The following MB21D2 variants were observed in gnomAD, a reference collection of about 807,000 sequenced individuals.
The protein encoded by MB21D2 is Mab-21 domain containing 2.
A neutral mutation model predicts 33.3 loss-of-function variants in MB21D2; 9 were observed. The observed-to-expected ratio is 0.27, with a 90% confidence interval of 0.16 to 0.47. The LOEUF (loss-of-function observed/expected upper bound fraction) is 0.47, where lower values mean the gene tolerates loss of function less well. Ranked by LOEUF, MB21D2 falls within the 20% of genes least tolerant of loss-of-function variation. MB21D2 has a pLI of 0.99. For synonymous variants in MB21D2, 241 were observed against 236.3 expected (o/e 1.02, Z -0.18); for missense variants, 540 against 624.6 (o/e 0.86, Z 1.44).
At chr3:192,869,180 C>T (rs921595141) in intron 1 of MB21D2, among the ~76,000 whole-genome samples, 1 of 151,082 alleles carries the variant, frequency 6.6e-6, no homozygotes, top group East Asian at 2.0e-4. Flanking sequence ...TGCTTGAGCC[C>T]GGGAGGCAGA....
At position 192,799,703 on chromosome 3, in the gene MB21D2, A is replaced by T. The variant is rs182765414; in HGVS notation, c.212-53T>A. ...CTATTACAGGAAACACAGACATAAGAGTCTTATGCATGAAACAGAATGCTC... is the reference window on the plus strand; with the variant it reads ...CTATTACAGGAAACACAGACATAAGTGTCTTATGCATGAAACAGAATGCTC... On this transcript the variant is annotated intron_variant, in intron 1 of 1. Transcript: ENST00000392452. This position sits in a 1 kb window ranked among gnomAD's most constrained non-coding sequence, Gnocchi z 4.1. The T allele has an allele frequency of 8.0e-5, 122 of 1,530,970 alleles. No individual in the cohort carries two copies. The Admixed American group carries it at 1.8e-3, about 23-fold the overall frequency. The allele number at this position is 1,530,970 out of a possible 1,614,324, so 94.8% of individuals were successfully genotyped here. A position where few individuals can be genotyped will look rare whatever the true frequency, so the allele number is the denominator to read the frequency against.
intron 1 of MB21D2, among the ~76,000 whole-genome samples, chr3:192,884,533 A>AT (rs1560249864): frequency 9.6e-6 from 1 of 104,050 alleles, no homozygotes; most frequent in Non-Finnish European, 2.1e-5. Flanking sequence ...CGCCCGGCTA[A>AT]TTTTTTGTAT....
intron 1 of MB21D2, among the ~76,000 whole-genome samples, chr3:192,904,261 C>T (rs1218876597): frequency 6.6e-6 from 1 of 152,132 alleles, no homozygotes; most frequent in Non-Finnish European, 1.5e-5. Flanking sequence ...CGATTCTGCC[C>T]CAAACTAGCT....
intron 1 of MB21D2, among the ~76,000 whole-genome samples, chr3:192,812,150 C>A (rs1711801750): frequency 6.6e-6 from 1 of 152,034 alleles, no homozygotes; most frequent in African/African-American, 2.4e-5. Flanking sequence ...CAGGTTCAAG[C>A]AATTCTCCTG....
intron 1 of MB21D2, among the ~76,000 whole-genome samples, chr3:192,854,125 A>G (rs1050415531): frequency 1.3e-5 from 2 of 152,210 alleles, no homozygotes; most frequent in Non-Finnish European, 2.9e-5. Context: ...GAAAGACAGA[A>G]ATGGTTAAGC....
intron 1 of MB21D2, among the ~76,000 whole-genome samples, chr3:192,843,848 C>A (rs1712623928): frequency 6.6e-6 from 1 of 152,124 alleles, no homozygotes; most frequent in South Asian, 2.1e-4. Flanking sequence ...ACACAGCCCC[C>A]AGCCCAGCCT....
chr3:192,810,281 G>T lies in MB21D2; in HGVS notation c.212-10631C>A, dbSNP rs1711757011. The stretch of plus-strand genomic sequence containing the variant: ...ACTGTGATAAGAGATAATGCTCCTT[G>T]TAACAAGCACCCTAAAAAAAGGTGT... On this transcript the variant is annotated intron_variant, in intron 1 of 1. Coordinates refer to ENST00000392452, the MANE Select transcript of MB21D2 (RefSeq NM_178496.4). Among the ~76,000 whole-genome samples, 3 of 152,238 alleles carry T rather than the reference G, an allele frequency of 2.0e-5. No homozygotes were observed. In the South Asian group the frequency reaches 6.2e-4, roughly 32 times the overall value.
chr3:192,840,658 T>C (rs1712550722), intron 1 of MB21D2, among the ~76,000 whole-genome samples: 2 of 152,142 alleles, frequency 1.3e-5, no homozygotes, highest in East Asian at 3.9e-4. Context: ...GATGACTTAA[T>C]GAGAAAAAAA....
intron 1 of MB21D2, among the ~76,000 whole-genome samples, chr3:192,878,287 T>C (rs975110623): frequency 1.8e-4 from 27 of 152,086 alleles, no homozygotes; most frequent in African/African-American, 6.0e-4. Context: ...TGGTGTATTA[T>C]CTACTTATGA....
intron 1 of MB21D2, among the ~76,000 whole-genome samples, chr3:192,884,546 TTTAG>T (rs1244888763): frequency 6.6e-6 from 1 of 151,952 alleles, no homozygotes; most frequent in Non-Finnish European, 1.5e-5. Context: ...TTTTGTATTT[TTTAG>T]TAGAGACGGG....
intron 1 of MB21D2, among the ~76,000 whole-genome samples, chr3:192,906,425 C>T (rs541744242): frequency 2.0e-5 from 3 of 152,290 alleles, no homozygotes; most frequent in South Asian, 4.2e-4. Flanking sequence ...CTTATGGAGA[C>T]CAAATTAAAC....
chr3:192,830,513 C>G (rs1712292486), intron 1 of MB21D2, among the ~76,000 whole-genome samples: 2 of 152,182 alleles, frequency 1.3e-5, no homozygotes, highest in Admixed American at 1.3e-4. Flanking sequence ...TGGCTCTTAT[C>G]TGCTTCATAC....
intron 1 of MB21D2, among the ~76,000 whole-genome samples, chr3:192,899,107 T>G (rs960603203): frequency 6.6e-6 from 1 of 152,226 alleles, no homozygotes; most frequent in Non-Finnish European, 1.5e-5. Flanking sequence ...GCAAGGCCAG[T>G]ACCTCACATG....
intron 1 of MB21D2, among the ~76,000 whole-genome samples, chr3:192,912,730 G>A (rs1363932579): frequency 2.6e-5 from 4 of 152,068 alleles, no homozygotes; most frequent in African/African-American, 9.7e-5. Context: ...GACTAGGCAG[G>A]CTACTGAGTA....
At chr3:192,828,980 G>C (rs1164955526) in intron 1 of MB21D2, among the ~76,000 whole-genome samples, 1 of 151,936 alleles carries the variant, frequency 6.6e-6, no homozygotes, top group Non-Finnish European at 1.5e-5. Flanking sequence ...ATGCAGTTCG[G>C]TAAGTTTGGC....
intron 1 of MB21D2, among the ~76,000 whole-genome samples, chr3:192,820,914 C>CCA (rs1712036631): frequency 1.3e-5 from 2 of 152,112 alleles, no homozygotes; most frequent in Non-Finnish European, 2.9e-5. Context: ...ACAGGCGGTG[C>CCA]CACCACACCC....
chr3:192,816,989 T>A (rs958524036), intron 1 of MB21D2, among the ~76,000 whole-genome samples: 9 of 152,186 alleles, frequency 5.9e-5, no homozygotes, highest in Non-Finnish European at 1.2e-4. Context: ...CCTGAGAAAA[T>A]GTAATTGTAT....
chr3:192,868,256 C>T (rs886128893), intron 1 of MB21D2, among the ~76,000 whole-genome samples: 4 of 152,274 alleles, frequency 2.6e-5, no homozygotes, highest in South Asian at 4.2e-4. Context: ...GATAGAAGGG[C>T]TAGGTGCATG....
chr3:192,859,695 A>G (rs1397959203), intron 1 of MB21D2, among the ~76,000 whole-genome samples: 2 of 152,312 alleles, frequency 1.3e-5, no homozygotes, highest in East Asian at 3.9e-4. Flanking sequence ...GAATAAACAA[A>G]TGAATAAAAG....
Sources: allele counts gnomAD v4.1 joint callset (sites outside exome capture counted in the v4.1 genomes callset), GRCh38; gene constraint gnomAD v4.1.1; non-coding constraint Gnocchi (gnomAD v3.1); transcripts MANE v1.5; gene names NCBI Gene and HGNC (gene_info 2026-07-23, HGNC 2026-07-21).